PKNOX1: variants seen among roughly 807,000 people sequenced by gnomAD.
The protein encoded by PKNOX1 is PBX/knotted 1 homeobox 1, also known as homeobox protein PKNOX1.
PKNOX1 carries 15 observed loss-of-function variants against 51.9 expected under a neutral mutation model. That is an observed-to-expected ratio of 0.29 (90% CI 0.19 to 0.45). PKNOX1 has a LOEUF of 0.45. Ranked by LOEUF, PKNOX1 falls within the 20% of genes least tolerant of loss-of-function variation. The probability of loss-of-function intolerance (pLI) is 1.00; values close to 1 mark genes in which losing one functional copy is unlikely to be tolerated. For missense variants in PKNOX1, 462 were observed against 547.5 expected (o/e 0.84, Z 1.56); for synonymous variants, 219 against 211.1 (o/e 1.04, Z -0.32).
intron 10 of PKNOX1, 49 bp from the exon 11 acceptor site, chr21:43,029,841 T>TTTC: frequency 6.6e-7 from 1 of 1,521,106 alleles, no homozygotes; most frequent in Non-Finnish European, 9.1e-7. Flanking sequence ...ATAAAGTGTT[T>TTTC]TTCTGTGAGT....
rs1194386851 is a variant in PKNOX1 at position 43,031,389 on chromosome 21, G to A, written c.*1288G>A. On this transcript the variant is annotated 3_prime_UTR_variant, in exon 11 of 11. Coordinates refer to ENST00000291547, the MANE Select transcript of PKNOX1 (RefSeq NM_004571.5). ...GGTCTCCTGGTGTCAGTGTTCTCTT[G>A]TACGTTGTTGCTTTCGACTTTTCAG... The A allele has an allele frequency of 6.6e-6, 1 of 152,308 alleles. No homozygotes were observed. The highest frequency in any genetic ancestry group is 1.5e-5 in the Non-Finnish European group (1 of 68,046). 9.4% of individuals were successfully genotyped at this position (152,308 alleles called of 1,614,324 possible).
Position 43,013,197 on chromosome 21 carries a change from A to C in PKNOX1, c.481A>C (p.Ser161Arg). ...KTKMNSETLL[S>R]GEPGSPYSPV... is the part of the protein sequence containing the mutation. ...AAAAATGAACAGTGAAACTCTGTTG[A>C]GTGGAGAGCCTGGAAGCCCGTACTC... The change falls in exon 5 of 11, where the codon AGT becomes CGT. Residue 161 changes from serine to arginine, a missense_variant. Coordinates refer to ENST00000291547, the MANE Select transcript of PKNOX1 (RefSeq NM_004571.5). The C allele has an allele frequency of 1.2e-6, 2 of 1,613,878 alleles. No individual in the cohort carries two copies. The highest frequency in any genetic ancestry group is 1.7e-6 in the Non-Finnish European group (2 of 1,179,836).
In PKNOX1 at chr21:42,995,029, T is replaced by C. The variant is rs377256066; in HGVS notation, c.-56-9297T>C. On this transcript the variant is annotated intron_variant, in intron 1 of 10. Transcript: ENST00000291547. The stretch of plus-strand genomic sequence containing the variant: ...CTCCGCCTCCTGGGTTCAAGCGATT[T>C]TTCTGCTTCAGCCTCCCCAGTAGCT... Among the ~76,000 whole-genome samples the C allele has an allele frequency of 5.3e-5, 8 of 151,906 alleles. No individual in the cohort carries two copies. The South Asian group carries it at 6.2e-4, about 12-fold the overall frequency.
chr21:42,978,544 C>T (rs1340251153), intron 1 of PKNOX1, among the ~76,000 whole-genome samples: 7 of 139,480 alleles, frequency 5.0e-5, no homozygotes, highest in Non-Finnish European at 9.2e-5. Context: ...AGTGCAGTGG[C>T]GCGATCTTGG....
intron 1 of PKNOX1, among the ~76,000 whole-genome samples, chr21:42,978,885 A>C (rs2059012173): frequency 6.6e-6 from 1 of 151,952 alleles, no homozygotes; most frequent in South Asian, 2.1e-4. Flanking sequence ...CTCAGGCATG[A>C]TCCACTGTTC....
At position 43,018,474 on chromosome 21, in the gene PKNOX1, C is replaced by CCACACACACA. The variant is rs555017462; in HGVS notation, c.720+285_720+294dup. On this transcript the variant is annotated intron_variant, in intron 7 of 10. Transcript: ENST00000291547. ...GTCACTCATAACCACCCCCTGCCAC[C>CCACACACACA]CACACACACACACACACACACACAC... Among the ~76,000 whole-genome samples, 5 of 14,440 alleles carry CCACACACACA rather than the reference C, an allele frequency of 3.5e-4. 2 individuals carry two copies. The highest frequency in any genetic ancestry group is 1.0e-3 in the Admixed American group (2 of 1,926). The allele number at this position is 14,440 out of a possible 152,430, so 9.5% of individuals were successfully genotyped here. A position where few individuals can be genotyped will look rare whatever the true frequency, so the allele number is the denominator to read the frequency against.
chr21:43,030,028 A>G lies in PKNOX1; in HGVS notation c.1238A>G (p.Glu413Gly), dbSNP rs1568907333. 6.2e-7 allele frequency: 1 copy of G among 1,613,984 alleles called. No homozygotes were observed. ...GAGGACGAGTCTGTGGACAGCACAG[A>G]GGAGGATGCGGGTGCCCTGGCCCCT... ...QSEDESVDST[E>G]EDAGALAPAH... Residue 413 changes from glutamate (E) to glycine (G), a missense_variant, in exon 11 of 11, where the codon GAG becomes GGG. Coordinates refer to ENST00000291547, the MANE Select transcript of PKNOX1 (RefSeq NM_004571.5).
chr21:43,010,006 C>A (rs200358871), intron 3 of PKNOX1, 47 bp from the exon 4 acceptor site: 26 of 1,265,254 alleles, frequency 2.1e-5, no homozygotes, highest in South Asian at 1.5e-4. Context: ...GACATTCTCA[C>A]GGAGATGTAG....
chr21:43,011,522 C>T (rs893454050), intron 4 of PKNOX1, among the ~76,000 whole-genome samples: 1 of 152,134 alleles, frequency 6.6e-6, no homozygotes, highest in African/African-American at 2.4e-5. Context: ...ACCTGAGGCA[C>T]CTGTACAGCA....
intron 4 of PKNOX1, among the ~76,000 whole-genome samples, chr21:43,011,478 T>G (rs1379823532): frequency 6.6e-6 from 1 of 152,186 alleles, no homozygotes; most frequent in Non-Finnish European, 1.5e-5. Flanking sequence ...AACATCTTGG[T>G]TCCGTCATCA....
chr21:42,996,891 A>AT (rs34637573), intron 1 of PKNOX1, among the ~76,000 whole-genome samples: 101,018 of 145,228 alleles, frequency 0.7, 35,288 homozygotes, highest in Non-Finnish European at 0.75. Flanking sequence ...TTTGTATTTG[A>AT]TTTTTTTTTT....
intron 1 of PKNOX1, among the ~76,000 whole-genome samples, chr21:42,989,046 AG>A (rs2059072060): frequency 6.6e-6 from 1 of 151,842 alleles, no homozygotes; most frequent in South Asian, 2.1e-4. Context: ...TTGGCTTCTC[AG>A]GACTTCTTTC....
chr21:43,005,259 G>A (rs192110190), intron 2 of PKNOX1, among the ~76,000 whole-genome samples: 72 of 152,244 alleles, frequency 4.7e-4, no homozygotes, highest in South Asian at 8.3e-4. Context: ...CGAGGACTTC[G>A]GTGGCAAGGA....
At chr21:43,001,816 C>T (rs537932003) in intron 1 of PKNOX1, among the ~76,000 whole-genome samples, 3 of 151,834 alleles carry the variant, frequency 2.0e-5, no homozygotes, top group Admixed American at 1.3e-4. Context: ...AAAAATTAGC[C>T]GGACGTAGTC....
At chr21:43,019,296 G>A (rs1434340124) in intron 7 of PKNOX1, among the ~76,000 whole-genome samples, 1 of 149,842 alleles carries the variant, frequency 6.7e-6, no homozygotes, top group African/African-American at 2.5e-5. Context: ...GGAGGCTGAG[G>A]CAGGAGAATT....
At position 43,013,065 on chromosome 21, in the gene PKNOX1, T is replaced by C. The variant is rs568504209; in HGVS notation, c.352-3T>C. Reference sequence around the variant, plus strand: ...CTGAAAGTCTTCATTTTCTCTGCTCTAGATGGTAAAAGCAATCCAGGTTTT... The same window carrying C: ...CTGAAAGTCTTCATTTTCTCTGCTCCAGATGGTAAAAGCAATCCAGGTTTT... On this transcript the variant is annotated splice_polypyrimidine_tract_variant and splice_region_variant and intron_variant, in intron 4 of 10. Coordinates refer to ENST00000291547, the MANE Select transcript of PKNOX1 (RefSeq NM_004571.5). 63 of 1,603,300 alleles carry C rather than the reference T, an allele frequency of 3.9e-5. No homozygotes were observed. The highest frequency in any genetic ancestry group is 8.5e-5 in the Admixed American group (5 of 58,658).
At chr21:42,987,404 A>AAATATATATATATATATATATATATAT in intron 1 of PKNOX1, among the ~76,000 whole-genome samples, 2 of 41,414 alleles carry the variant, frequency 4.8e-5, no homozygotes, top group Non-Finnish European at 9.6e-5. Flanking sequence ...AAAAAAAAAA[A>AAATATATATATATATATATATATATAT]ATATATATAT....
chr21:43,009,377 G>A (rs1327910751), intron 3 of PKNOX1, among the ~76,000 whole-genome samples: 4 of 151,990 alleles, frequency 2.6e-5, no homozygotes, highest in African/African-American at 7.3e-5. Context: ...CCCGAGAGGC[G>A]GAGGTTGTGG....
rs1348571637 is a variant in PKNOX1, at chr21:43,021,676, C to T, written c.849+245C>T. 6.6e-6 allele frequency among the ~76,000 whole-genome samples: 1 copy of T among 152,180 alleles called. No homozygotes were observed. Among genetic ancestry groups the T allele is most frequent in the African/African-American group, 2.4e-5 (1 of 41,438 alleles). The stretch of plus-strand genomic sequence containing the variant: ...AGGCGTACACGTGTGTCCGAGACAG[C>T]CCACCACGAAGGGTGATGGGGTCAG... On this transcript the variant is annotated intron_variant, in intron 8 of 10. Transcript: ENST00000291547. This position sits in a 1 kb window ranked among gnomAD's most constrained non-coding sequence, Gnocchi z 4.6.
Sources: gnomAD v4.1 joint callset for allele counts (sites outside exome capture counted in the v4.1 genomes callset) on GRCh38, gnomAD v4.1.1 for gene constraint, Gnocchi (gnomAD v3.1) non-coding constraint, MANE v1.5 for transcripts, NCBI Gene and HGNC (gene_info 2026-07-23, HGNC 2026-07-21) for gene names.